TBCA: variants seen among roughly 807,000 people sequenced by gnomAD.
TBCA encodes the protein tubulin folding cofactor A.
In TBCA, 6 loss-of-function variants were observed where a neutral mutation model predicts 15.8. That is an observed-to-expected ratio of 0.38 (90% confidence interval 0.21 to 0.75). The LOEUF is 0.75. Ranked by LOEUF, TBCA falls within the 30% of genes least tolerant of loss-of-function variation. The pLI, the probability that TBCA is intolerant of heterozygous loss-of-function variation, is 0.46. For synonymous variants in TBCA, 32 were observed against 42.3 expected (o/e 0.76, Z 0.94); for missense variants, 90 against 131.2 (o/e 0.69, Z 1.53).
intron 1 of TBCA, among the ~76,000 whole-genome samples, chr5:77,761,269 A>C (rs1330672335): frequency 1.3e-5 from 2 of 151,706 alleles, no homozygotes. Context: ...GACATAGGAG[A>C]CTCCATTTTG....
chr5:77,711,824 T>TATCACATGG (rs1452342771), intron 1 of TBCA, among the ~76,000 whole-genome samples: 1 of 152,084 alleles, frequency 6.6e-6, no homozygotes, highest in Non-Finnish European at 1.5e-5. Context: ...CTTAACTACC[T>TATCACATGG]ATCACATGGG....
At chr5:77,713,476 A>G (rs1056354656) in intron 1 of TBCA, among the ~76,000 whole-genome samples, 10 of 152,186 alleles carry the variant, frequency 6.6e-5, no homozygotes, top group African/African-American at 2.4e-4. Context: ...TATAAATAAT[A>G]CTGTGATGAG....
chr5:77,721,339 T>C (rs1430965093), intron 1 of TBCA, among the ~76,000 whole-genome samples: 1 of 152,182 alleles, frequency 6.6e-6, no homozygotes, highest in East Asian at 1.9e-4. Flanking sequence ...GTAATGTGTT[T>C]ATGCAGCGTA....
intron 1 of TBCA, among the ~76,000 whole-genome samples, chr5:77,769,750 T>C (rs1747864345): frequency 1.3e-5 from 2 of 152,098 alleles, no homozygotes; most frequent in South Asian, 4.1e-4. Context: ...TTTGTAATTA[T>C]GGTATGTCAG....
At chr5:77,757,101 C>T (rs1469974068) in intron 1 of TBCA, among the ~76,000 whole-genome samples, 1 of 152,142 alleles carries the variant, frequency 6.6e-6, no homozygotes, top group African/African-American at 2.4e-5. Flanking sequence ...AATTCAGAGG[C>T]TTTGTTCCCC....
At chr5:77,752,624 T>TCGGCTCACTGCAGTGGCGCAAC (rs1561281066) in intron 1 of TBCA, among the ~76,000 whole-genome samples, 1,833 of 74,346 alleles carry the variant, frequency 0.025, 448 homozygotes, top group African/African-American at 0.078. Context: ...AGTGGCGCAA[T>TCGGCTCACTGCAGTGGCGCAAC]CTCGGCTCAC....
chr5:77,751,587 C>A (rs1294576981), intron 1 of TBCA, among the ~76,000 whole-genome samples: 1 of 151,974 alleles, frequency 6.6e-6, no homozygotes, highest in Non-Finnish European at 1.5e-5. Flanking sequence ...TTTACATTCT[C>A]CCCAGAGGAG....
chr5:77,712,055 C>T (rs914619506), intron 1 of TBCA, among the ~76,000 whole-genome samples: 3 of 151,688 alleles, frequency 2.0e-5, no homozygotes, highest in Non-Finnish European at 4.4e-5. Flanking sequence ...GGGTAAGATG[C>T]GGTATGAGAA....
At chr5:77,706,170 C>T (rs1746145450) in intron 2 of TBCA, among the ~76,000 whole-genome samples, 1 of 152,074 alleles carries the variant, frequency 6.6e-6, no homozygotes, top group Admixed American at 6.6e-5. Flanking sequence ...ACCAATTATG[C>T]CACGATTTAC....
chr5:77,760,629 G>T (rs542912901), intron 1 of TBCA, among the ~76,000 whole-genome samples: 2 of 152,302 alleles, frequency 1.3e-5, no homozygotes, highest in Non-Finnish European at 1.5e-5. Flanking sequence ...CGCCGTGTTG[G>T]CCGGGCTGGT....
intron 1 of TBCA, among the ~76,000 whole-genome samples, chr5:77,760,273 T>C (rs1228295387): frequency 1.3e-5 from 2 of 152,208 alleles, no homozygotes; most frequent in African/African-American, 4.8e-5. Context: ...AGTAAATCCC[T>C]AGCCAGTTTA....
At chr5:77,750,701 C>CAATTTAGAAATTTTATTTTGTA (rs1747304658) in intron 1 of TBCA, among the ~76,000 whole-genome samples, 1 of 152,018 alleles carries the variant, frequency 6.6e-6, no homozygotes, top group Non-Finnish European at 1.5e-5. Flanking sequence ...AAGTCTCTGT[C>CAATTTAGAAATTTTATTTTGTA]AATTTAGAAA....
intron 2 of TBCA, among the ~76,000 whole-genome samples, chr5:77,706,204 A>C (rs1283542097): frequency 6.6e-6 from 1 of 152,244 alleles, no homozygotes; most frequent in Non-Finnish European, 1.5e-5. Context: ...CTGTGAGTTC[A>C]TAAAGCTGAT....
chr5:77,750,557 G>A (rs1415643436), intron 1 of TBCA, among the ~76,000 whole-genome samples: 1 of 152,178 alleles, frequency 6.6e-6, no homozygotes, highest in Admixed American at 6.5e-5. Context: ...AAACTAGTCT[G>A]AGTTCACCTA....
intron 1 of TBCA, 103 bp from the exon 2 acceptor site, chr5:77,708,450 A>T (rs352548): frequency 0.26 from 166,510 of 629,408 alleles, 24,189 homozygotes; most frequent in Non-Finnish European, 0.32. Flanking sequence ...ATACCAAAGT[A>T]GATATACTAG....
intron 1 of TBCA, among the ~76,000 whole-genome samples, chr5:77,729,913 G>C (rs1355313908): frequency 1.3e-5 from 2 of 152,070 alleles, no homozygotes. Context: ...TTTATTATGA[G>C]TTATCAAGTG....
chr5:77,702,296 A>G (rs1746036653), intron 2 of TBCA, among the ~76,000 whole-genome samples: 1 of 152,238 alleles, frequency 6.6e-6, no homozygotes, highest in South Asian at 2.1e-4. Flanking sequence ...ATGTTCATCA[A>G]AGGTTAAATG....
At chr5:77,763,163 G>A (rs1043310261) in intron 1 of TBCA, among the ~76,000 whole-genome samples, 3 of 152,150 alleles carry the variant, frequency 2.0e-5, no homozygotes, top group Admixed American at 6.5e-5. Context: ...AGAATGGCGT[G>A]AACCCGGGAG....
intron 2 of TBCA, among the ~76,000 whole-genome samples, chr5:77,707,005 G>A (rs1266108016): frequency 2.0e-5 from 3 of 151,896 alleles, no homozygotes; most frequent in Non-Finnish European, 4.4e-5. Context: ...TTTTTGTTTG[G>A]GAGAGTAGGT....
Sources: allele counts gnomAD v4.1 joint callset (sites outside exome capture counted in the v4.1 genomes callset), GRCh38; gene constraint gnomAD v4.1.1; transcripts MANE v1.5; gene names NCBI Gene and HGNC (gene_info 2026-07-23, HGNC 2026-07-21).